PCNX2: variants seen among roughly 807,000 people sequenced by gnomAD.
PCNX2 encodes pecanex 2, also known as pecanex-like protein 2.
Under a neutral mutation model 223.8 loss-of-function variants are expected in PCNX2, and 168 were observed. That is an observed-to-expected ratio of 0.75 (90% CI 0.66 to 0.85). PCNX2 has a LOEUF of 0.85. PCNX2 is among the 40% of genes least tolerant of loss of function. PCNX2 has a pLI of 0.00. For synonymous variants in PCNX2, 1,006 were observed against 1,052.6 expected (o/e 0.96, Z 0.86); for missense variants, 2,507 against 2,675.5 (o/e 0.94, Z 1.39).
the PCNX2 span, among the ~76,000 whole-genome samples, chr1:233,308,106 A>G: frequency 6.6e-6 from 1 of 152,236 alleles, no homozygotes; most frequent in Non-Finnish European, 1.5e-5. Context: ...ACAAAACACA[A>G]ATGATACCAA....
chr1:233,096,952 A>C (rs1487296929), intron 21 of PCNX2, among the ~76,000 whole-genome samples: 4 of 152,190 alleles, frequency 2.6e-5, no homozygotes, highest in Non-Finnish European at 5.9e-5. Context: ...GTAATGAGGC[A>C]AAAGGAGGTT....
intron 1 of PCNX2, chr1:233,289,399 C>T: frequency 1.4e-6 from 2 of 1,408,890 alleles, no homozygotes; most frequent in Non-Finnish European, 2.0e-6. Flanking sequence ...TCGAACTCGT[C>T]CGGCTTCTCG....
At position 233,252,671 on chromosome 1, in the gene PCNX2, G is replaced by T; in HGVS notation, c.1952C>A (p.Ala651Glu). The T allele has an allele frequency of 6.2e-7, 1 of 1,613,696 alleles. No individual in the cohort carries two copies. Among genetic ancestry groups the T allele is most frequent in the Non-Finnish European group, 8.5e-7 (1 of 1,179,814 alleles). The change falls in exon 6 of 34, where the codon GCA becomes GAA. Residue 651 changes from alanine (A) to glutamate (E), a missense_variant. Transcript: ENST00000258229. ...QSQDHTSTGP[A>E]CTQPAKTTAF... is the part of the protein sequence containing the mutation. The stretch of plus-strand genomic sequence containing the variant: ...TGTGGTCTTGGCAGGCTGAGTGCAT[G>T]CGGGGCCGGTGCTAGTATGGTCTTG...
chr1:233,012,133 T>C (rs1276044064), intron 28 of PCNX2, among the ~76,000 whole-genome samples: 1 of 152,178 alleles, frequency 6.6e-6, no homozygotes, highest in African/African-American at 2.4e-5. Context: ...GACTGTTGTT[T>C]TTGTGTGAGA....
At chr1:233,309,552 T>C in the PCNX2 span, among the ~76,000 whole-genome samples, 3 of 120,806 alleles carry the variant, frequency 2.5e-5, no homozygotes, top group Non-Finnish European at 5.4e-5. Context: ...AAAATAATAA[T>C]AATAATAATA....
chr1:233,209,281 T>C (rs1681687662), intron 12 of PCNX2, among the ~76,000 whole-genome samples: 1 of 152,212 alleles, frequency 6.6e-6, no homozygotes, highest in Non-Finnish European at 1.5e-5. Flanking sequence ...CTGTGAGGGA[T>C]ACCAAATATT....
chr1:233,072,916 T>C (rs1452939707), intron 23 of PCNX2, among the ~76,000 whole-genome samples: 3 of 152,214 alleles, frequency 2.0e-5, no homozygotes, highest in East Asian at 3.8e-4. Context: ...GAATCGTTCC[T>C]TTCTTCAGTA....
rs1669688102 is a variant in PCNX2 at position 232,991,287 on chromosome 1, A to G, written c.5792-4747T>C. On this transcript the variant is annotated intron_variant, in intron 32 of 33. Transcript: ENST00000258229. This position sits in a 1 kb window ranked among gnomAD's most constrained non-coding sequence, Gnocchi z 4.3. ...GGACACTGGGGACAGAGGAGGCAGC[A>G]GCTGAGGGGGCCCTGGAAAGGAGAA... Among the ~76,000 whole-genome samples the G allele has an allele frequency of 6.6e-6, 1 of 152,110 alleles. No homozygotes were observed. Among genetic ancestry groups the G allele is most frequent in the African/African-American group, 2.4e-5 (1 of 41,430 alleles).
Position 232,998,265 on chromosome 1 carries a change from C to A in PCNX2, c.5777G>T (p.Gly1926Val). ...GCTGCACCCACCTGTTCTCTGTGTCCCTTCACAGGATGACACCCCGTGCTG... is the reference window on the plus strand; with the variant it reads ...GCTGCACCCACCTGTTCTCTGTGTCACTTCACAGGATGACACCCCGTGCTG... ...GAQHGVSSCEGTQRTGRRKGR... is the reference protein window; with the variant it reads ...GAQHGVSSCEVTQRTGRRKGR... Residue 1926 changes from glycine to valine, a missense_variant, in exon 32 of 34, where the codon GGG becomes GTG. Gly to Val is a moderately radical substitution (Grantham distance 109). Coordinates refer to ENST00000258229, the MANE Select transcript of PCNX2 (RefSeq NM_014801.4). 11 of 1,580,218 alleles carry A rather than the reference C, an allele frequency of 7.0e-6. No homozygotes were observed. Among genetic ancestry groups the A allele is most frequent in the Non-Finnish European group, 9.5e-6 (11 of 1,163,318 alleles).
intron 23 of PCNX2, among the ~76,000 whole-genome samples, chr1:233,072,114 G>A (rs1436000636): frequency 1.3e-5 from 2 of 152,134 alleles, no homozygotes; most frequent in African/African-American, 4.8e-5. Context: ...TCTGTGGATA[G>A]TTTCTTTTGC....
rs775682721 is a variant in PCNX2, at chr1:232,984,303, G to A, written c.*1C>T. On this transcript the variant is annotated 3_prime_UTR_variant, in exon 34 of 34. Coordinates refer to ENST00000258229, the MANE Select transcript of PCNX2 (RefSeq NM_014801.4). ...AGCCTCCCCGCCCGGCCGCACGCCC[G>A]TCACTGCTCGTCTGACACACTTTGC... 98 of 1,598,874 alleles carry A rather than the reference G, an allele frequency of 6.1e-5. No homozygotes were observed. The highest frequency in any genetic ancestry group is 1.5e-4 in the South Asian group (13 of 89,166).
Position 232,986,431 on chromosome 1 carries a change from G to A in PCNX2, c.5901C>T (p.Leu1967=). The A allele has an allele frequency of 6.2e-7, 1 of 1,607,570 alleles. No individual in the cohort carries two copies. The highest frequency in any genetic ancestry group is 8.5e-7 in the Non-Finnish European group (1 of 1,177,054). The change falls in exon 33 of 34, where the codon CTC becomes CTT. Residue 1967 remains leucine (L), a synonymous_variant. Coordinates refer to ENST00000258229, the MANE Select transcript of PCNX2 (RefSeq NM_014801.4). ...GCTCGTGCACTGAGGTGGACGTCTG[G>A]AGGAATGTTTGGCGGCTCTCTAAGA... The part of the protein sequence containing the change: ...GPILESRQTF[L]QTSTSVHELA...
intron 5 of PCNX2, among the ~76,000 whole-genome samples, chr1:233,257,119 T>C (rs188711453): frequency 6.6e-6 from 1 of 152,338 alleles, no homozygotes; most frequent in Non-Finnish European, 1.5e-5. Context: ...ATGAGGAAAC[T>C]GAGGCCCAGA....
chr1:233,112,709 T>TG, intron 21 of PCNX2: 1 of 567,764 alleles, frequency 1.8e-6, no homozygotes, highest in Non-Finnish European at 2.2e-6. Context: ...GTGTAGATCT[T>TG]TGAACAATAT....
At chr1:233,218,370 T>A (rs1233190736) in intron 10 of PCNX2, among the ~76,000 whole-genome samples, 186 bp from the exon 11 acceptor site, 2 of 149,274 alleles carry the variant, frequency 1.3e-5, no homozygotes, top group African/African-American at 2.5e-5. Flanking sequence ...TGCCTCAGCC[T>A]CCGGAGTAGC....
At chr1:233,087,210 G>C in intron 23 of PCNX2, 1 of 985,366 alleles carries the variant, frequency 1.0e-6, no homozygotes, top group Non-Finnish European at 1.2e-6. Context: ...ACAAAAGTCA[G>C]CTTTAAAAGA....
At chr1:233,208,720 C>A in intron 12 of PCNX2, 31 bp from the exon 13 acceptor site, 1 of 1,568,642 alleles carries the variant, frequency 6.4e-7, no homozygotes, top group Non-Finnish European at 8.7e-7. Context: ...CTGAATGGTA[C>A]CTCTTATTTT....
At chr1:233,222,732 G>A (rs1657459998) in intron 10 of PCNX2, among the ~76,000 whole-genome samples, 1 of 152,164 alleles carries the variant, frequency 6.6e-6, no homozygotes, top group South Asian at 2.1e-4. Context: ...TGAAAGGAAA[G>A]ACGACTCAAG....
chr1:232,995,995 T>C (rs1313461821), intron 32 of PCNX2, among the ~76,000 whole-genome samples: 3 of 152,094 alleles, frequency 2.0e-5, no homozygotes, highest in Non-Finnish European at 4.4e-5. Context: ...GTAACTGGGA[T>C]TACAAGCACC....
Sources: gnomAD v4.1 joint callset for allele counts (sites outside exome capture counted in the v4.1 genomes callset) on GRCh38, gnomAD v4.1.1 for gene constraint, Gnocchi (gnomAD v3.1) non-coding constraint, MANE v1.5 for transcripts, NCBI Gene and HGNC (gene_info 2026-07-23, HGNC 2026-07-21) for gene names.